The following CACNB4 variants were observed in gnomAD, a reference collection of about 807,000 sequenced individuals.
CACNB4 encodes calcium voltage-gated channel auxiliary subunit beta 4, also known as voltage-dependent L-type calcium channel subunit beta-4.
CACNB4 carries 32 observed loss-of-function variants against 71.2 expected under a neutral mutation model. That is an observed-to-expected ratio of 0.45 (90% CI 0.34 to 0.60). The LOEUF is 0.60. CACNB4 is among the 20% of genes least tolerant of loss of function. The pLI is 0.01. For missense variants in CACNB4, 464 were observed against 647.9 expected (o/e 0.72, Z 3.08); for synonymous variants, 231 against 236.9 (o/e 0.97, Z 0.23).
chr2:151,885,538 G>A (rs950851965), intron 2 of CACNB4, among the ~76,000 whole-genome samples: 1 of 152,136 alleles, frequency 6.6e-6, no homozygotes, highest in African/African-American at 2.4e-5. Flanking sequence ...TCCTAGTGCT[G>A]ACATTTTCAC....
intron 2 of CACNB4, among the ~76,000 whole-genome samples, chr2:152,070,232 T>C (rs1014842050): frequency 9.2e-5 from 14 of 152,204 alleles, no homozygotes; most frequent in African/African-American, 3.4e-4. Context: ...AAATAAGAAT[T>C]GATTTTTCTG....
Position 151,960,183 on chromosome 2 carries a change from G to GTACCTCTC in CACNB4, c.148-76821_148-76814dup, listed in dbSNP as rs370541987. ...TTAAGTATATTTAAAGACATATGCA[G>GTACCTCTC]TACCTCTCTAGTGAGTGTCTCTGTA... On this transcript the variant is annotated intron_variant, in intron 2 of 13. Coordinates refer to ENST00000539935, the MANE Select transcript of CACNB4 (RefSeq NM_000726.5). 8.2e-3 allele frequency among the ~76,000 whole-genome samples: 1,244 copies of GTACCTCTC among 152,240 alleles called. 14 individuals carry two copies. The highest frequency in any genetic ancestry group is 0.028 in the African/African-American group (1,177 of 41,532).
At chr2:152,056,059 T>G (rs2105313438) in intron 2 of CACNB4, among the ~76,000 whole-genome samples, 1 of 152,216 alleles carries the variant, frequency 6.6e-6, no homozygotes, top group African/African-American at 2.4e-5. Flanking sequence ...CCCGCAAGAT[T>G]TTTTAGAAAT....
chr2:151,870,079 G>T, intron 8 of CACNB4: 1 of 594,230 alleles, frequency 1.7e-6, no homozygotes, highest in Non-Finnish European at 3.0e-6. Context: ...AAGCAGAGAA[G>T]GATTTGGTGG....
At chr2:151,885,482 C>T (rs1367275177) in intron 2 of CACNB4, among the ~76,000 whole-genome samples, 1 of 152,166 alleles carries the variant, frequency 6.6e-6, no homozygotes, top group East Asian at 1.9e-4. Flanking sequence ...TACTCCAGGA[C>T]CTGGCACATA....
intron 2 of CACNB4, among the ~76,000 whole-genome samples, chr2:151,914,810 G>C (rs944966860): frequency 6.6e-6 from 1 of 152,178 alleles, no homozygotes; most frequent in African/African-American, 2.4e-5. Flanking sequence ...GCCTGGAGAT[G>C]TCACTCAAGG....
Position 151,869,213 on chromosome 2 carries a change from G to C in CACNB4, c.722C>G (p.Ala241Gly). 1 of 1,568,836 alleles carries C rather than the reference G, an allele frequency of 6.4e-7. No homozygotes were observed. Among genetic ancestry groups the C allele is most frequent in the Non-Finnish European group, 8.7e-7 (1 of 1,153,082 alleles). ...GYEVTDMMQKALFDFLKHRFD... is the reference protein window; with the variant it reads ...GYEVTDMMQKGLFDFLKHRFD... Reference sequence around the variant, plus strand: ...CCTGTGCTTCAGGAAATCAAAGAGGGCTTTCTGCATCATGTCTGTTACCTT... The same window carrying C: ...CCTGTGCTTCAGGAAATCAAAGAGGCCTTTCTGCATCATGTCTGTTACCTT... Residue 241 changes from alanine (A) to glycine (G), a missense_variant, in exon 9 of 14, where the codon GCC becomes GGC. Ala to Gly is a moderately conservative substitution (Grantham distance 60). Coordinates refer to ENST00000539935, the MANE Select transcript of CACNB4 (RefSeq NM_000726.5).
intron 2 of CACNB4, among the ~76,000 whole-genome samples, chr2:152,017,616 G>A (rs1056953942): frequency 4.6e-5 from 7 of 151,784 alleles, no homozygotes; most frequent in Non-Finnish European, 8.8e-5. Context: ...GCTGAGGCAG[G>A]TGAATCACTT....
intron 10 of CACNB4, 28 bp downstream of exon 10, chr2:151,860,683 G>T (rs1273941839): frequency 7.0e-7 from 1 of 1,437,058 alleles, no homozygotes; most frequent in Non-Finnish European, 9.8e-7. Context: ...AGCACAGCTT[G>T]AAGAAGTACC....
chr2:151,895,268 G>A (rs772955972), intron 2 of CACNB4, among the ~76,000 whole-genome samples: 3 of 151,958 alleles, frequency 2.0e-5, no homozygotes, highest in African/African-American at 4.8e-5. Context: ...TGTTATCCAC[G>A]GAAGACATGT....
At chr2:152,079,647 G>A (rs868741358) in intron 2 of CACNB4, among the ~76,000 whole-genome samples, 1 of 151,984 alleles carries the variant, frequency 6.6e-6, no homozygotes, top group African/African-American at 2.4e-5. Flanking sequence ...TTAGCTGGGC[G>A]CAGTGGTGTG....
intron 2 of CACNB4, among the ~76,000 whole-genome samples, chr2:151,959,090 A>G (rs2099869010): frequency 6.6e-6 from 1 of 152,228 alleles, no homozygotes; most frequent in South Asian, 2.1e-4. Context: ...TCCAAAGTCT[A>G]TCAACATCCT....
At chr2:151,921,832 C>T (rs1017074808) in intron 2 of CACNB4, among the ~76,000 whole-genome samples, 7 of 152,150 alleles carry the variant, frequency 4.6e-5, no homozygotes, top group Non-Finnish European at 1.0e-4. Flanking sequence ...GCCCTTTTCT[C>T]TCTCTCTCCT....
chr2:152,017,864 G>A (rs563943772), intron 2 of CACNB4, among the ~76,000 whole-genome samples: 7 of 148,850 alleles, frequency 4.7e-5, no homozygotes, highest in South Asian at 2.1e-4. Flanking sequence ...ATGGAATTTC[G>A]CTCTTTTGCC....
chr2:152,085,996 C>T (rs750280817), intron 2 of CACNB4, among the ~76,000 whole-genome samples: 1 of 152,006 alleles, frequency 6.6e-6, no homozygotes. Flanking sequence ...AATTAGCACT[C>T]TTTGGTGTCT....
At chr2:151,845,125 G>A (rs2099837219) in intron 12 of CACNB4, among the ~76,000 whole-genome samples, 1 of 152,182 alleles carries the variant, frequency 6.6e-6, no homozygotes, top group Non-Finnish European at 1.5e-5. Context: ...CACGGTTGTA[G>A]ACATAATTAG....
intron 2 of CACNB4, among the ~76,000 whole-genome samples, chr2:152,012,536 G>A (rs1475624335): frequency 1.1e-4 from 17 of 151,232 alleles, no homozygotes; most frequent in African/African-American, 3.9e-4. Flanking sequence ...CCCGGGAGGC[G>A]GAGGTTGCAG....
intron 2 of CACNB4, among the ~76,000 whole-genome samples, chr2:151,976,170 T>C (rs1344425338): frequency 2.0e-5 from 3 of 152,208 alleles, no homozygotes; most frequent in African/African-American, 4.8e-5. Flanking sequence ...ACCCAACCCC[T>C]CTAACTAAGA....
intron 2 of CACNB4, chr2:151,973,960 C>A: frequency 8.1e-7 from 1 of 1,240,066 alleles, no homozygotes; most frequent in African/African-American, 1.5e-5. Flanking sequence ...AACCCTTCCT[C>A]AACCACAGAC....
Sources: allele counts gnomAD v4.1 joint callset (sites outside exome capture counted in the v4.1 genomes callset), GRCh38; gene constraint gnomAD v4.1.1; transcripts MANE v1.5; gene names NCBI Gene and HGNC (gene_info 2026-07-23, HGNC 2026-07-21).